Variants in CD3D observed in about 807,000 individuals in gnomAD.
CD3D encodes the protein CD3 delta subunit of T-cell receptor complex, also known as T-cell surface glycoprotein CD3 delta chain.
In CD3D, 22 loss-of-function variants were observed where a neutral mutation model predicts 22.0. The observed-to-expected ratio is 1.00, with a 90% CI of 0.71 to 1.43. CD3D has a LOEUF of 1.43. Ranked by LOEUF, CD3D falls within the 40% of genes most tolerant of loss-of-function variation. The pLI, the probability that CD3D is intolerant of heterozygous loss-of-function variation, is 0.00. For missense variants in CD3D, 205 were observed against 211.7 expected (o/e 0.97, Z 0.20); for synonymous variants, 74 against 81.2 (o/e 0.91, Z 0.48).
chr11:118,341,943 G>A (rs1165059548), intron 1 of CD3D, among the ~76,000 whole-genome samples: 1 of 152,176 alleles, frequency 6.6e-6, no homozygotes, highest in African/African-American at 2.4e-5. Context: ...AAGGAGTAGT[G>A]CAGGAAGCTG....
intron 1 of CD3D, among the ~76,000 whole-genome samples, chr11:118,342,179 T>C (rs1298163915): frequency 6.6e-6 from 1 of 151,776 alleles, no homozygotes; most frequent in Non-Finnish European, 1.5e-5. Flanking sequence ...GAAGCACTTT[T>C]TTTTTTTTTT....
intron 1 of CD3D, among the ~76,000 whole-genome samples, chr11:118,341,410 G>A (rs1948298891): frequency 6.6e-6 from 1 of 152,230 alleles, no homozygotes; most frequent in East Asian, 1.9e-4. Flanking sequence ...AGGCACTACA[G>A]TCTATGCCTC....
In CD3D at chr11:118,340,289, G is replaced by C. The variant is rs565301242; in HGVS notation, c.274+86C>G. On this transcript the variant is annotated intron_variant, in intron 2 of 4. Transcript: ENST00000300692. ...CCTCACTTTGTTTAGAGAACAGATG[G>C]GTTCACCATATCCCTCTCTAGCCAG... The C allele has an allele frequency of 1.4e-4, 147 of 1,039,900 alleles. No individual in the cohort carries two copies. In the African/African-American group the frequency reaches 2.2e-3, roughly 15 times the overall value. 64.4% of individuals were successfully genotyped at this position (1,039,900 alleles called of 1,614,324 possible).
intron 1 of CD3D, 43 bp downstream of exon 1, chr11:118,342,510 T>G (rs748106150): frequency 3.2e-6 from 5 of 1,558,958 alleles, no homozygotes; most frequent in Non-Finnish European, 4.4e-6. Flanking sequence ...ATCAGTAATG[T>G]CCCTCTCAGG....
At position 118,342,651 on chromosome 11, in the gene CD3D, C is replaced by T. The variant is rs886047739; in HGVS notation, c.-44G>A. 2 of 1,574,896 alleles carry T rather than the reference C, an allele frequency of 1.3e-6. No homozygotes were observed. ...CAGTAGATAAAGCCAGGTCACCGAA[C>T]TATCAGCCTGGGTGAGAGCTGCCCT... is the stretch of plus-strand genomic sequence containing the variant. On this transcript the variant is annotated 5_prime_UTR_variant, in exon 1 of 5. Transcript: ENST00000300692.
intron 1 of CD3D, 59 bp from the exon 2 acceptor site, chr11:118,340,652 GT>G: frequency 8.1e-7 from 1 of 1,231,466 alleles, no homozygotes; most frequent in African/African-American, 1.5e-5. Flanking sequence ...CAAGCCCTTT[GT>G]TCTGCGGAAG....
intron 1 of CD3D, chr11:118,340,917 G>A (rs779053952): frequency 1.2e-5 from 7 of 566,056 alleles, no homozygotes; most frequent in South Asian, 4.6e-5. Flanking sequence ...GGGGGAGCAC[G>A]GACCACTGAA....
At chr11:118,339,600 T>C (rs1948280928) in intron 3 of CD3D, 106 bp from the exon 4 acceptor site, 2 of 1,571,400 alleles carry the variant, frequency 1.3e-6, no homozygotes, top group Non-Finnish European at 1.7e-6. Flanking sequence ...ACACAAGTTC[T>C]TTCAACAGTC....
intron 1 of CD3D, among the ~76,000 whole-genome samples, chr11:118,341,916 G>C (rs980515852): frequency 1.3e-5 from 2 of 152,200 alleles, no homozygotes; most frequent in Admixed American, 6.5e-5. Flanking sequence ...CCTGATTCCA[G>C]AGGCCATCAG....
chr11:118,339,849 T>C lies in CD3D; in HGVS notation c.332A>G (p.Asp111Gly). ...PATVAGIIVT[D>G]VIATLLLALG... is the part of the protein sequence containing the mutation. ...AGCAAGGAGCAGAGTGGCAATGACATCAGTGACAATGATGCCAGCCACGGT... is the reference window on the plus strand; with the variant it reads ...AGCAAGGAGCAGAGTGGCAATGACACCAGTGACAATGATGCCAGCCACGGT... Residue 111 changes from aspartate (D) to glycine (G), a missense_variant, in exon 3 of 5, where the codon GAT (aspartate) becomes GGT (glycine). Physicochemically the swap from Asp to Gly is moderately conservative, Grantham distance 94. Transcript: ENST00000300692. 6.2e-7 allele frequency: 1 copy of C among 1,613,640 alleles called. No homozygotes were observed. The highest frequency in any genetic ancestry group is 8.5e-7 in the Non-Finnish European group (1 of 1,179,954).
intron 1 of CD3D, chr11:118,340,840 G>A (rs767834379): frequency 1.5e-6 from 1 of 652,124 alleles, no homozygotes; most frequent in African/African-American, 1.8e-5. Context: ...TGCAAAAGAG[G>A]ACCCCTCAGA....
chr11:118,342,370 C>G (rs1948306646), intron 1 of CD3D, among the ~76,000 whole-genome samples, 183 bp downstream of exon 1: 1 of 152,094 alleles, frequency 6.6e-6, no homozygotes, highest in African/African-American at 2.4e-5. Context: ...AGAGTCTCAT[C>G]ATGTTGCTCA....
intron 1 of CD3D, among the ~76,000 whole-genome samples, chr11:118,341,512 C>A (rs886701208): frequency 1.3e-5 from 2 of 152,198 alleles, no homozygotes; most frequent in Non-Finnish European, 2.9e-5. Context: ...CTAGAAAACC[C>A]TGAAACAGCT....
At position 118,340,578 on chromosome 11, in the gene CD3D, A is replaced by G. The variant is rs1225419723; in HGVS notation, c.71T>C (p.Ile24Thr). The change falls in exon 2 of 5, where the codon ATA (isoleucine) becomes ACA (threonine). Residue 24 changes from isoleucine to threonine, a missense_variant. Ile to Thr is a moderately conservative substitution (Grantham distance 89). Transcript: ENST00000300692. Reference protein sequence around the residue: ...TLLSQVSPFKIPIEELEDRVF... With the variant: ...TLLSQVSPFKTPIEELEDRVF... Reference sequence around the variant, plus strand: ...TCTGTCCTCAAGTTCCTCTATAGGTATCTTGAAGGGGCTCACTAAAGGGGA... The same window carrying G: ...TCTGTCCTCAAGTTCCTCTATAGGTGTCTTGAAGGGGCTCACTAAAGGGGA... 6.2e-7 allele frequency: 1 copy of G among 1,613,518 alleles called. No individual in the cohort carries two copies. Among genetic ancestry groups the G allele is most frequent in the Admixed American group, 1.7e-5 (1 of 59,980 alleles).
chr11:118,340,500 GTTCCC>G lies in CD3D; in HGVS notation c.144_148del (p.Gly49ThrfsTer22). The G allele has an allele frequency of 6.2e-7, 1 of 1,613,992 alleles. No individual in the cohort carries two copies. The highest frequency in any genetic ancestry group is 1.3e-5 in the African/African-American group (1 of 74,996). ...CAGTCTTGTAATGTCTGAGAGCAGT[GTTCCC>G]ACCGTTCCCTCTACCCATGTGATGC... On this transcript the variant is annotated frameshift_variant, in exon 2 of 5. Transcript: ENST00000300692. LOFTEE classifies it high-confidence loss of function.
intron 1 of CD3D, 27 bp from the exon 2 acceptor site, chr11:118,340,620 G>A: frequency 1.3e-6 from 2 of 1,507,630 alleles, no homozygotes; most frequent in Non-Finnish European, 1.8e-6. Flanking sequence ...ATCACAGTTG[G>A]AGACAGCTCT....
At chr11:118,340,112 C>G (rs1159424438) in intron 2 of CD3D, among the ~76,000 whole-genome samples, 1 of 152,146 alleles carries the variant, frequency 6.6e-6, no homozygotes, top group Non-Finnish European at 1.5e-5. Context: ...GAAGTAATCT[C>G]AGCTTTTGGG....
chr11:118,338,997 G>T (rs1346475693), downstream of CD3D: 1 of 728,246 alleles, frequency 1.4e-6, no homozygotes. Flanking sequence ...AAACAGGTAG[G>T]TAGGAGGGCG....
At chr11:118,339,414 C>A in intron 4 of CD3D, 37 bp downstream of exon 4, 1 of 1,611,028 alleles carries the variant, frequency 6.2e-7, no homozygotes, top group African/African-American at 1.3e-5. Context: ...CCCACTTACC[C>A]TCCCTTCATT....
Sources: allele counts gnomAD v4.1 joint callset (sites outside exome capture counted in the v4.1 genomes callset), GRCh38; gene constraint gnomAD v4.1.1; transcripts MANE v1.5; gene names NCBI Gene and HGNC (gene_info 2026-07-23, HGNC 2026-07-21).